HYCC1: variants seen among roughly 807,000 people sequenced by gnomAD.
HYCC1 encodes the protein hyccin.
At chr7:22,975,282 A>C in the HYCC1 span, among the ~76,000 whole-genome samples, 209 of 152,326 alleles carry the variant, frequency 1.4e-3, no homozygotes, top group Non-Finnish European at 2.4e-3. Context: ...AAAAATCACA[A>C]AGGAGAAAAT....
chr7:22,921,110 T>C, the HYCC1 span, among the ~76,000 whole-genome samples: 3 of 152,322 alleles, frequency 2.0e-5, no homozygotes, highest in East Asian at 5.8e-4. Context: ...TCTTTAAAAT[T>C]AACCAGCCTC....
the HYCC1 span, chr7:23,013,889 C>G: frequency 2.2e-6 from 1 of 462,016 alleles, no homozygotes; most frequent in African/African-American, 2.0e-5. Context: ...GCCGGACGCC[C>G]TGGGGGCCCG....
chr7:23,010,194 A>G, the HYCC1 span, among the ~76,000 whole-genome samples: 2 of 152,178 alleles, frequency 1.3e-5, no homozygotes, highest in Non-Finnish European at 2.9e-5. Context: ...TGTCTTTAAC[A>G]TTATATTCTT....
At chr7:22,931,087 T>C in the HYCC1 span, among the ~76,000 whole-genome samples, 1 of 151,982 alleles carries the variant, frequency 6.6e-6, no homozygotes, top group Admixed American at 6.6e-5. Flanking sequence ...ATAGTGTCTC[T>C]GCAAATGAAA....
At chr7:22,937,315 C>A in the HYCC1 span, 2 of 152,250 alleles carry the variant, frequency 1.3e-5, no homozygotes, top group African/African-American at 4.8e-5. Context: ...GCAAGTGAGA[C>A]AAGGAGCAAG....
the HYCC1 span, among the ~76,000 whole-genome samples, chr7:22,911,652 G>A: frequency 6.6e-6 from 1 of 152,186 alleles, no homozygotes; most frequent in African/African-American, 2.4e-5. Context: ...CAGCTACTCA[G>A]GAGGCTGAGG....
At chr7:22,939,307 A>G in the HYCC1 span, 59,741 of 151,842 alleles carry the variant, frequency 0.39, 11,717 homozygotes, top group East Asian at 0.51. Context: ...AGGGTATGAG[A>G]TACACTTTAA....
At chr7:22,950,975 T>C in the HYCC1 span, among the ~76,000 whole-genome samples, 1 of 151,722 alleles carries the variant, frequency 6.6e-6, no homozygotes, top group African/African-American at 2.4e-5. Flanking sequence ...TCAGGATATA[T>C]TTTATTTGTG....
chr7:22,898,529 T>C, the HYCC1 span, among the ~76,000 whole-genome samples: 2 of 151,550 alleles, frequency 1.3e-5, no homozygotes, highest in Non-Finnish European at 2.9e-5. Flanking sequence ...GCATTTTTTA[T>C]GGAGACAGGG....
At chr7:22,925,669 A>C in the HYCC1 span, among the ~76,000 whole-genome samples, 68 of 152,330 alleles carry the variant, frequency 4.5e-4, no homozygotes, top group African/African-American at 1.6e-3. Flanking sequence ...CCTCCAAGAA[A>C]TACGGGACTA....
At chr7:22,964,310 G>A in the HYCC1 span, 10 of 732,524 alleles carry the variant, frequency 1.4e-5, no homozygotes, top group Admixed American at 6.3e-5. Context: ...CAAAAAGTAT[G>A]CAAATCACTT....
At chr7:22,924,512 C>A in the HYCC1 span, among the ~76,000 whole-genome samples, 2 of 152,366 alleles carry the variant, frequency 1.3e-5, no homozygotes, top group African/African-American at 4.8e-5. Context: ...ACGGGCTTAA[C>A]AAACAGCACA....
the HYCC1 span, chr7:22,964,364 T>C: frequency 9.6e-7 from 1 of 1,042,900 alleles, no homozygotes; most frequent in Non-Finnish European, 1.5e-6. Context: ...GAACAGACTA[T>C]AATTTTCCAA....
chr7:22,915,668 A>G, the HYCC1 span, among the ~76,000 whole-genome samples: 1 of 152,156 alleles, frequency 6.6e-6, no homozygotes, highest in African/African-American at 2.4e-5. Context: ...GGGCAAGTCC[A>G]TCCCCTTCTT....
At chr7:22,928,143 T>C in the HYCC1 span, among the ~76,000 whole-genome samples, 5 of 152,164 alleles carry the variant, frequency 3.3e-5, no homozygotes, top group Non-Finnish European at 5.9e-5. Context: ...CAACCCTTCA[T>C]GCTAAAAACT....
the HYCC1 span, among the ~76,000 whole-genome samples, chr7:22,975,932 C>A: frequency 4.6e-5 from 7 of 152,056 alleles, no homozygotes; most frequent in African/African-American, 1.5e-4. Flanking sequence ...GTTGCCCAGG[C>A]TGGTTTTGAA....
At chr7:22,933,696 A>T in the HYCC1 span, among the ~76,000 whole-genome samples, 1 of 152,178 alleles carries the variant, frequency 6.6e-6, no homozygotes, top group Non-Finnish European at 1.5e-5. Flanking sequence ...TTTTGCATTA[A>T]TTCTGGAATT....
chr7:22,949,193 T>G, the HYCC1 span, among the ~76,000 whole-genome samples: 1 of 152,086 alleles, frequency 6.6e-6, no homozygotes, highest in African/African-American at 2.4e-5. Context: ...CCTAAGTCGC[T>G]TTCTTGAAAG....
At chr7:22,978,282 C>G in the HYCC1 span, 4 of 1,613,934 alleles carry the variant, frequency 2.5e-6, no homozygotes, top group Non-Finnish European at 3.4e-6. Flanking sequence ...ATTGTAAACC[C>G]CTAGAAGAAG....
Sources: gnomAD v4.1 joint callset for allele counts (sites outside exome capture counted in the v4.1 genomes callset) on GRCh38, gnomAD v4.1.1 for gene constraint, MANE v1.5 for transcripts, NCBI Gene and HGNC (gene_info 2026-07-23, HGNC 2026-07-21) for gene names.